Variants in FAM178B observed in about 807,000 individuals in gnomAD.
FAM178B encodes family with sequence similarity 178 member B, also known as protein FAM178B.
Under a neutral mutation model 91.7 loss-of-function variants are expected in FAM178B, and 82 were observed. That is an observed-to-expected ratio of 0.89 (90% CI 0.75 to 1.07). The LOEUF is 1.07. Among genes scored for constraint, FAM178B ranks in the 50% least tolerant of loss-of-function variants. The pLI, the probability that FAM178B is intolerant of heterozygous loss-of-function variation, is 0.00. For synonymous variants in FAM178B, 368 were observed against 359.4 expected (o/e 1.02, Z -0.27); for missense variants, 769 against 846.7 (o/e 0.91, Z 1.14).
intron 12 of FAM178B, among the ~76,000 whole-genome samples, chr2:96,904,783 T>C (rs2081000540): frequency 6.6e-6 from 1 of 152,028 alleles, no homozygotes; most frequent in African/African-American, 2.4e-5. Flanking sequence ...GATGTTGAGG[T>C]GGGAGGACTG....
intron 14 of FAM178B, among the ~76,000 whole-genome samples, chr2:96,887,215 A>AAAC (rs36102912): frequency 0.28 from 42,080 of 150,970 alleles, 6,935 homozygotes; most frequent in South Asian, 0.66. Flanking sequence ...ACTCTATCTC[A>AAAC]AACAACAACA....
rs1459605862 is a variant in FAM178B, at chr2:96,916,422, G to GC, written c.1562+4742dup. Among the ~76,000 whole-genome samples, 3 of 152,226 alleles carry GC rather than the reference G, an allele frequency of 2.0e-5. No individual in the cohort carries two copies. In the East Asian group the frequency reaches 5.8e-4, roughly 29 times the overall value. On this transcript the variant is annotated intron_variant, in intron 12 of 16. Transcript: ENST00000490605. ...CTGACCAGGCAGCCTGCGGGAGCTG[G>GC]CTTCATCTGACCTTCTGCTTTGAAG...
At chr2:96,895,778 C>G (rs569588622) in intron 13 of FAM178B, among the ~76,000 whole-genome samples, 1 of 152,246 alleles carries the variant, frequency 6.6e-6, no homozygotes, top group Non-Finnish European at 1.5e-5. Flanking sequence ...GCCCAGCCCC[C>G]CTCTTGAGCT....
rs1250498751 is a variant in FAM178B at position 96,894,784 on chromosome 2, C to T, written c.1651-733G>A. 5.3e-5 allele frequency among the ~76,000 whole-genome samples: 5 copies of T among 94,400 alleles called. No individual in the cohort carries two copies. In the East Asian group the frequency reaches 1.3e-3, roughly 25 times the overall value. The allele number at this position is 94,400 out of a possible 152,430, so 61.9% of individuals were successfully genotyped here. ...CCCCCTACCCATAGATCCCCACCCA[C>T]GCCCACTCACACACACACTCACCCA... On this transcript the variant is annotated intron_variant, in intron 13 of 16. Transcript: ENST00000490605.
intron 10 of FAM178B, among the ~76,000 whole-genome samples, chr2:96,922,905 C>T (rs1196873325): frequency 6.6e-5 from 10 of 151,642 alleles, no homozygotes; most frequent in African/African-American, 2.4e-4. Context: ...AACTCCTGAC[C>T]TCAGGTGATC....
chr2:96,962,893 C>T (rs188907034), intron 5 of FAM178B, among the ~76,000 whole-genome samples: 1 of 152,156 alleles, frequency 6.6e-6, no homozygotes, highest in Non-Finnish European at 1.5e-5. Flanking sequence ...CTGACCTGCA[C>T]CCCCTTCCCT....
In FAM178B at chr2:96,947,899, G is replaced by A. The variant is rs1311778302; in HGVS notation, c.997C>T (p.Leu333=). ...VSLLQWLFQL[L]TWPPETSLGA... is the part of the protein sequence containing the mutation. ...AAAGATGTTTCTGGAGGCCATGTCA[G>A]CAGCTAGGTGGAAAAAAAAAACAAA... Residue 333 remains leucine (L), a synonymous_variant, in exon 8 of 17, where the codon CTG becomes TTG. Transcript: ENST00000490605. 1 of 1,526,104 alleles carries A rather than the reference G, an allele frequency of 6.6e-7. No homozygotes were observed. Among genetic ancestry groups the A allele is most frequent in the Non-Finnish European group, 8.9e-7 (1 of 1,128,586 alleles). The allele number at this position is 1,526,104 out of a possible 1,614,324, so 94.5% of individuals were successfully genotyped here. A position where few individuals can be genotyped will look rare whatever the true frequency, so the allele number is the denominator to read the frequency against.
intron 14 of FAM178B, among the ~76,000 whole-genome samples, chr2:96,887,511 G>A (rs906668769): frequency 2.6e-5 from 4 of 152,328 alleles, no homozygotes; most frequent in East Asian, 1.9e-4. Context: ...ATCCAAGGAC[G>A]GGAGAGACAG....
In FAM178B at chr2:96,921,597, C is replaced by T. The variant is rs1559074017; in HGVS notation, c.1345G>A (p.Gly449Arg). The T allele has an allele frequency of 1.3e-6, 2 of 1,551,672 alleles. No homozygotes were observed. Among genetic ancestry groups the T allele is most frequent in the South Asian group, 2.4e-5 (2 of 84,056 alleles). The change falls in exon 11 of 17, where the codon GGA (glycine) becomes AGA (arginine). Residue 449 changes from glycine (G) to arginine (R), a missense_variant. Gly to Arg is a moderately radical substitution (Grantham distance 125, BLOSUM62 -2). Coordinates refer to ENST00000490605, the MANE Select transcript of FAM178B (RefSeq NM_001122646.3). ...GTGCGGCACAGCAGCTCAATCAGTC[C>T]CATGAGGTTCTCATCAGTGTAGGCC... ...PGAYTDENLM[G>R]LIELLCRTSL...
intron 1 of FAM178B, 116 bp downstream of exon 1, chr2:96,986,125 C>A: frequency 2.7e-6 from 4 of 1,480,668 alleles, no homozygotes; most frequent in South Asian, 1.3e-5. Context: ...AGTAGCCCGG[C>A]GGCCGCACCG....
intron 8 of FAM178B, among the ~76,000 whole-genome samples, chr2:96,931,319 G>C (rs2081534975): frequency 6.6e-6 from 1 of 152,188 alleles, no homozygotes. Context: ...AGGAGACCTT[G>C]ACCTCAAGGA....
At chr2:96,900,442 C>T (rs184597823) in intron 13 of FAM178B, among the ~76,000 whole-genome samples, 34 of 152,284 alleles carry the variant, frequency 2.2e-4, no homozygotes, top group Admixed American at 1.9e-3. Context: ...TGCCAGGCAC[C>T]GCCAGGTGCC....
At chr2:96,957,053 C>T (rs1033963423) in intron 6 of FAM178B, among the ~76,000 whole-genome samples, 2 of 151,706 alleles carry the variant, frequency 1.3e-5, no homozygotes, top group African/African-American at 2.4e-5. Context: ...TGGGTTGAGA[C>T]GGGGTTTCTC....
intron 12 of FAM178B, among the ~76,000 whole-genome samples, chr2:96,908,055 T>C (rs2081087835): frequency 6.6e-6 from 1 of 152,202 alleles, no homozygotes; most frequent in South Asian, 2.1e-4. Flanking sequence ...AGCCACCTGC[T>C]CGGCACTCCT....
At position 96,947,914 on chromosome 2, in the gene FAM178B, A is replaced by AC; in HGVS notation, c.994-13_994-12insG. 1 of 1,485,362 alleles carries AC rather than the reference A, an allele frequency of 6.7e-7. No individual in the cohort carries two copies. The highest frequency in any genetic ancestry group is 1.4e-5 in the African/African-American group (1 of 69,194). The allele number at this position is 1,485,362 out of a possible 1,614,324, so 92.0% of individuals were successfully genotyped here. A position where few individuals can be genotyped will look rare whatever the true frequency, so the allele number is the denominator to read the frequency against. ...GGCCATGTCAGCAGCTAGGTGGAAA[A>AC]AAAAAACAAAAACAAAAACCTGGTG... On this transcript the variant is annotated splice_polypyrimidine_tract_variant and intron_variant, in intron 7 of 16. Coordinates refer to ENST00000490605, the MANE Select transcript of FAM178B (RefSeq NM_001122646.3).
chr2:96,922,485 G>A (rs527761262), intron 10 of FAM178B, among the ~76,000 whole-genome samples: 47 of 151,882 alleles, frequency 3.1e-4, no homozygotes, highest in Admixed American at 2.9e-3. Flanking sequence ...AAGTAGCTGG[G>A]ATTACAGGCA....
At position 96,977,946 on chromosome 2, in the gene FAM178B, C is replaced by CGGGGGGGGGGGGGGGGG; in HGVS notation, c.74-5341_74-5340insCCCCCCCCCCCCCCCCC. On this transcript the variant is annotated intron_variant, in intron 1 of 16. Transcript: ENST00000490605. Reference sequence around the variant, plus strand: ...AGCAGTTCATCGCTGGAGGGTGGGGCGGGCGGGGGAGGGGGGCGACCGGCA... The same window carrying CGGGGGGGGGGGGGGGGG: ...AGCAGTTCATCGCTGGAGGGTGGGGCGGGGGGGGGGGGGGGGGGGGCGGGGGAGGGGGGCGACCGGCA... 3.5e-5 allele frequency: 2 copies of CGGGGGGGGGGGGGGGGG among 57,832 alleles called. 1 individual carries two copies. Among genetic ancestry groups the CGGGGGGGGGGGGGGGGG allele is most frequent in the Admixed American group, 7.5e-4 (2 of 2,654 alleles). The allele number at this position is 57,832 out of a possible 1,614,324, so 3.6% of individuals were successfully genotyped here. A position where few individuals can be genotyped will look rare whatever the true frequency, so the allele number is the denominator to read the frequency against.
chr2:96,933,582 T>C (rs563876233), intron 8 of FAM178B, among the ~76,000 whole-genome samples: 1 of 152,346 alleles, frequency 6.6e-6, no homozygotes, highest in South Asian at 2.1e-4. Flanking sequence ...GCCCCCCTTC[T>C]GGGCCTCCCT....
intron 1 of FAM178B, among the ~76,000 whole-genome samples, chr2:96,978,627 TC>T (rs2082321719): frequency 1.1e-5 from 1 of 90,052 alleles, no homozygotes. Flanking sequence ...TATGATTTCT[TC>T]TTTTTTTTTT....
Sources: allele counts gnomAD v4.1 joint callset (sites outside exome capture counted in the v4.1 genomes callset), GRCh38; gene constraint gnomAD v4.1.1; transcripts MANE v1.5; gene names NCBI Gene and HGNC (gene_info 2026-07-23, HGNC 2026-07-21).